Variants in ARHGAP10 observed in about 807,000 individuals in gnomAD.
ARHGAP10 encodes the protein Rho GTPase activating protein 10.
A neutral mutation model predicts 108.6 loss-of-function variants in ARHGAP10; 87 were observed. The observed-to-expected ratio is 0.80, with a 90% CI of 0.67 to 0.96. The LOEUF is 0.96. ARHGAP10 is among the 40% of genes least tolerant of loss of function. The probability of loss-of-function intolerance (pLI) is 0.00; values close to 1 mark genes in which losing one functional copy is unlikely to be tolerated. For missense variants in ARHGAP10, 939 were observed against 954.5 expected (o/e 0.98, Z 0.21); for synonymous variants, 347 against 341.1 (o/e 1.02, Z -0.19).
chr4:148,034,477 C>T (rs928525775), intron 19 of ARHGAP10, among the ~76,000 whole-genome samples: 4 of 151,742 alleles, frequency 2.6e-5, no homozygotes, highest in South Asian at 4.1e-4. Context: ...GCCACCACTC[C>T]CGGCTAATTT....
At chr4:147,919,235 A>G (rs901571236) in intron 13 of ARHGAP10, among the ~76,000 whole-genome samples, 1 of 152,242 alleles carries the variant, frequency 6.6e-6, no homozygotes, top group Non-Finnish European at 1.5e-5. Flanking sequence ...TAATAAATAT[A>G]TGACCTATGG....
At chr4:147,884,802 T>A (rs1735476067) in intron 10 of ARHGAP10, among the ~76,000 whole-genome samples, 2 of 152,014 alleles carry the variant, frequency 1.3e-5, no homozygotes, top group African/African-American at 4.8e-5. Flanking sequence ...CCAGAGAGAG[T>A]GGGAGAAGAG....
intron 13 of ARHGAP10, among the ~76,000 whole-genome samples, chr4:147,914,727 A>T (rs1028068611): frequency 2.0e-5 from 3 of 152,212 alleles, no homozygotes; most frequent in Admixed American, 2.0e-4. Flanking sequence ...GTATTCCATT[A>T]TATGGATATA....
chr4:147,947,900 A>G (rs1738447375), intron 15 of ARHGAP10, among the ~76,000 whole-genome samples: 1 of 151,722 alleles, frequency 6.6e-6, no homozygotes, highest in Admixed American at 6.6e-5. Context: ...TGAGTTATCA[A>G]CATTCCATCC....
At chr4:147,912,795 A>T (rs1408388443) in intron 12 of ARHGAP10, among the ~76,000 whole-genome samples, 1 of 150,822 alleles carries the variant, frequency 6.6e-6, no homozygotes, top group Non-Finnish European at 1.5e-5. Context: ...ACAGGCACCC[A>T]TCATTAAACC....
chr4:147,884,515 T>C (rs528236145), intron 10 of ARHGAP10, among the ~76,000 whole-genome samples: 73 of 152,338 alleles, frequency 4.8e-4, no homozygotes, highest in Admixed American at 4.0e-3. Context: ...CCCCACCTTT[T>C]AGCTTCCGTC....
At chr4:147,771,471 T>C (rs1180609493) in intron 1 of ARHGAP10, among the ~76,000 whole-genome samples, 1 of 137,408 alleles carries the variant, frequency 7.3e-6, no homozygotes, top group Non-Finnish European at 1.6e-5. Flanking sequence ...TGCAAACAAA[T>C]ATACTCTTTT....
intron 16 of ARHGAP10, among the ~76,000 whole-genome samples, chr4:147,961,560 C>A (rs1223362281): frequency 6.6e-6 from 1 of 152,028 alleles, no homozygotes; most frequent in Non-Finnish European, 1.5e-5. Context: ...AAACTATTAT[C>A]CTTTTGAAAA....
intron 1 of ARHGAP10, among the ~76,000 whole-genome samples, chr4:147,808,559 G>C (rs1215952257): frequency 1.3e-5 from 2 of 152,150 alleles, no homozygotes; most frequent in African/African-American, 2.4e-5. Context: ...TGTGGGAGTT[G>C]GGTTGGAGGA....
chr4:147,982,623 A>G (rs1233523921), intron 18 of ARHGAP10, among the ~76,000 whole-genome samples: 2 of 138,970 alleles, frequency 1.4e-5, no homozygotes, highest in Admixed American at 7.3e-5. Context: ...CTGGTCTCGA[A>G]CTCCTTGGCT....
At chr4:147,764,570 G>C (rs928023952) in intron 1 of ARHGAP10, among the ~76,000 whole-genome samples, 2 of 152,008 alleles carry the variant, frequency 1.3e-5, no homozygotes, top group African/African-American at 4.8e-5. Context: ...GTCTCACTCT[G>C]TTGCCAAGGG....
intron 9 of ARHGAP10, among the ~76,000 whole-genome samples, chr4:147,881,502 G>T (rs369317827): frequency 1.4e-4 from 22 of 152,106 alleles, no homozygotes. Flanking sequence ...TCCAGGTGTG[G>T]TGGTGCATGC....
At chr4:147,934,360 A>G (rs764702688) in intron 13 of ARHGAP10, among the ~76,000 whole-genome samples, 2 of 152,192 alleles carry the variant, frequency 1.3e-5, no homozygotes, top group African/African-American at 2.4e-5. Flanking sequence ...AGGTTTCACA[A>G]ACTTTTACCT....
chr4:147,906,593 T>A (rs374380556), intron 10 of ARHGAP10, 45 bp from the exon 11 acceptor site: 239 of 1,598,056 alleles, frequency 1.5e-4, no homozygotes, highest in Non-Finnish European at 1.9e-4. Context: ...AAACTTGCCT[T>A]TTAGTGGCCA....
chr4:147,861,202 A>G (rs1734306605), intron 5 of ARHGAP10: 1 of 152,410 alleles, frequency 6.6e-6, no homozygotes, highest in Admixed American at 6.5e-5. Context: ...ACAGCCGGGC[A>G]TGCCGACTGT....
At chr4:147,859,872 A>G (rs566373518) in intron 5 of ARHGAP10, among the ~76,000 whole-genome samples, 5 of 152,360 alleles carry the variant, frequency 3.3e-5, no homozygotes, top group African/African-American at 1.2e-4. Flanking sequence ...TTTAAATTAC[A>G]TACACTTTTT....
At chr4:148,050,691 T>G (rs898104458) in intron 20 of ARHGAP10, among the ~76,000 whole-genome samples, 1 of 152,202 alleles carries the variant, frequency 6.6e-6, no homozygotes, top group Non-Finnish European at 1.5e-5. Flanking sequence ...TTCTTTCTTA[T>G]AAAGATTACA....
chr4:147,895,822 G>T (rs1432029077), intron 10 of ARHGAP10, among the ~76,000 whole-genome samples: 1 of 152,124 alleles, frequency 6.6e-6, no homozygotes, highest in African/African-American at 2.4e-5. Context: ...ATCTTGCCTT[G>T]TTCCTGATCT....
chr4:147,849,097 G>A (rs1733753282), intron 4 of ARHGAP10, among the ~76,000 whole-genome samples: 1 of 152,132 alleles, frequency 6.6e-6, no homozygotes, highest in African/African-American at 2.4e-5. Flanking sequence ...TAGGTCATAG[G>A]GAGAAGCCCT....
Sources: gnomAD v4.1 joint callset for allele counts (sites outside exome capture counted in the v4.1 genomes callset) on GRCh38, gnomAD v4.1.1 for gene constraint, MANE v1.5 for transcripts, NCBI Gene and HGNC (gene_info 2026-07-23, HGNC 2026-07-21) for gene names.